CAMKMT: variants seen among roughly 807,000 people sequenced by gnomAD.
CAMKMT encodes the protein calmodulin-lysine N-methyltransferase.
CAMKMT carries 53 observed loss-of-function variants against 48.0 expected under a neutral mutation model. That is an observed-to-expected ratio of 1.10 (90% CI 0.89 to 1.39). The LOEUF is 1.39. Among genes scored for constraint, CAMKMT ranks in the 40% most tolerant of loss-of-function variants. The pLI is 0.00. For synonymous variants in CAMKMT, 165 were observed against 152.3 expected (o/e 1.08, Z -0.61); for missense variants, 428 against 402.7 (o/e 1.06, Z -0.54).
At chr2:44,504,272 A>G (rs1279694343) in intron 3 of CAMKMT, among the ~76,000 whole-genome samples, 2 of 152,168 alleles carry the variant, frequency 1.3e-5, no homozygotes. Context: ...CCAGAATCCT[A>G]GAAGATAAGA....
intron 4 of CAMKMT, among the ~76,000 whole-genome samples, chr2:44,704,680 TCAA>T (rs1677448822): frequency 1.0e-5 from 1 of 100,292 alleles, no homozygotes; most frequent in Non-Finnish European, 1.9e-5. Flanking sequence ...ATTGTGAAGG[TCAA>T]AAAAAAAAAA....
At chr2:44,491,562 C>G (rs965370443) in intron 3 of CAMKMT, among the ~76,000 whole-genome samples, 2 of 152,140 alleles carry the variant, frequency 1.3e-5, no homozygotes, top group Non-Finnish European at 2.9e-5. Context: ...ACTCTTTGTA[C>G]AAAGGCAATT....
chr2:44,436,605 A>G (rs1666272775), intron 3 of CAMKMT, among the ~76,000 whole-genome samples: 2 of 152,202 alleles, frequency 1.3e-5, no homozygotes, highest in South Asian at 4.1e-4. Flanking sequence ...AAAAAATATA[A>G]AACCACTCTT....
intron 3 of CAMKMT, among the ~76,000 whole-genome samples, chr2:44,444,987 A>G (rs1666893860): frequency 6.6e-6 from 1 of 152,196 alleles, no homozygotes; most frequent in Non-Finnish European, 1.5e-5. Context: ...CTGGGAAAGA[A>G]AACTGGATCT....
At chr2:44,709,411 A>G (rs1449340446) in intron 6 of CAMKMT, among the ~76,000 whole-genome samples, 1 of 152,144 alleles carries the variant, frequency 6.6e-6, no homozygotes, top group Non-Finnish European at 1.5e-5. Flanking sequence ...TTCCGTTTTT[A>G]CCATGCAGTT....
chr2:44,547,393 G>A (rs1222219043), intron 3 of CAMKMT, among the ~76,000 whole-genome samples: 1 of 152,168 alleles, frequency 6.6e-6, no homozygotes, highest in Non-Finnish European at 1.5e-5. Context: ...ACGTGGTGGT[G>A]CATGCCTGTG....
At chr2:44,667,103 C>T (rs372878447) in intron 3 of CAMKMT, among the ~76,000 whole-genome samples, 19 of 152,288 alleles carry the variant, frequency 1.2e-4, no homozygotes, top group African/African-American at 4.6e-4. Flanking sequence ...GGAGGCAAAA[C>T]CCGAGAGACC....
intron 3 of CAMKMT, among the ~76,000 whole-genome samples, chr2:44,508,966 T>C (rs1373428317): frequency 1.3e-5 from 2 of 151,794 alleles, no homozygotes; most frequent in Non-Finnish European, 2.9e-5. Flanking sequence ...TGTGGTGGCA[T>C]GTGCCTGTAG....
chr2:44,699,630 A>G (rs1333696903), intron 3 of CAMKMT, among the ~76,000 whole-genome samples: 1 of 151,674 alleles, frequency 6.6e-6, no homozygotes, highest in African/African-American at 2.4e-5. Flanking sequence ...GGGTTTCACT[A>G]TGTTGTCCAG....
chr2:44,624,431 C>T (rs1394769629), intron 3 of CAMKMT, among the ~76,000 whole-genome samples: 7 of 152,008 alleles, frequency 4.6e-5, no homozygotes, highest in African/African-American at 1.7e-4. Context: ...CACCTATTAA[C>T]TCGTCATTTA....
Position 44,553,239 on chromosome 2 carries a change from A to T in CAMKMT, c.377-151044A>T, listed in dbSNP as rs562775821. Reference sequence around the variant, plus strand: ...CCAGAAGGCCACATGTGTAGATAGCATATGAACCGTCTTCATTTTATACTC... The same window carrying T: ...CCAGAAGGCCACATGTGTAGATAGCTTATGAACCGTCTTCATTTTATACTC... On this transcript the variant is annotated intron_variant, in intron 3 of 10. Transcript: ENST00000378494. 2.7e-4 allele frequency among the ~76,000 whole-genome samples: 41 copies of T among 152,196 alleles called. No homozygotes were observed. The South Asian group carries it at 7.5e-3, about 28-fold the overall frequency.
intron 3 of CAMKMT, among the ~76,000 whole-genome samples, chr2:44,409,235 G>A (rs1250430075): frequency 2.0e-5 from 3 of 150,640 alleles, no homozygotes; most frequent in African/African-American, 7.3e-5. Flanking sequence ...TATCCAGCCA[G>A]TGCTTTGTTA....
At chr2:44,610,621 A>G (rs1671543746) in intron 3 of CAMKMT, among the ~76,000 whole-genome samples, 1 of 152,254 alleles carries the variant, frequency 6.6e-6, no homozygotes, top group Middle Eastern at 3.2e-3. Context: ...TGCCAAAAAT[A>G]AATGAAATAT....
At chr2:44,424,669 A>G (rs1247507045) in intron 3 of CAMKMT, among the ~76,000 whole-genome samples, 4 of 152,222 alleles carry the variant, frequency 2.6e-5, no homozygotes, top group Non-Finnish European at 4.4e-5. Flanking sequence ...CAACTCAGGA[A>G]TGGAAAACCA....
chr2:44,682,230 C>T (rs914944057), intron 3 of CAMKMT, among the ~76,000 whole-genome samples: 3 of 152,098 alleles, frequency 2.0e-5, no homozygotes, highest in African/African-American at 7.2e-5. Flanking sequence ...ATTCAGTAAT[C>T]GTTTATGAAA....
rs375183463 is a variant in CAMKMT at position 44,704,227 on chromosome 2, G to A, written c.377-56G>A. The A allele has an allele frequency of 2.0e-4, 292 of 1,425,502 alleles. 1 individual carries two copies. The highest frequency in any genetic ancestry group is 3.6e-4 in the Middle Eastern group (2 of 5,572). The allele number at this position is 1,425,502 out of a possible 1,614,324, so 88.3% of individuals were successfully genotyped here. Reference sequence around the variant, plus strand: ...GTACTGAACATTATTTTTAAAAGCCGTTTCTTAAAAGAATGACTTCTATAA... The same window carrying A: ...GTACTGAACATTATTTTTAAAAGCCATTTCTTAAAAGAATGACTTCTATAA... On this transcript the variant is annotated intron_variant, in intron 3 of 10. Transcript: ENST00000378494.
intron 3 of CAMKMT, among the ~76,000 whole-genome samples, chr2:44,445,040 G>A (rs1268149071): frequency 6.6e-6 from 1 of 152,208 alleles, no homozygotes. Context: ...AAAAGGCACA[G>A]TGCAGGTGAG....
intron 3 of CAMKMT, among the ~76,000 whole-genome samples, chr2:44,609,696 T>C (rs115863394): frequency 6.6e-6 from 1 of 152,350 alleles, no homozygotes; most frequent in Non-Finnish European, 1.5e-5. Context: ...TCTGATGAAC[T>C]CATTCTCTCC....
intron 3 of CAMKMT, among the ~76,000 whole-genome samples, chr2:44,604,378 T>C (rs1439153388): frequency 1.3e-5 from 2 of 152,182 alleles, no homozygotes; most frequent in East Asian, 1.9e-4. Context: ...TTTCTGACCA[T>C]CCTTTATCAT....
Sources: gnomAD v4.1 joint callset for allele counts (sites outside exome capture counted in the v4.1 genomes callset) on GRCh38, gnomAD v4.1.1 for gene constraint, MANE v1.5 for transcripts, NCBI Gene and HGNC (gene_info 2026-07-23, HGNC 2026-07-21) for gene names.